The following THADA variants were observed in gnomAD, a reference collection of about 807,000 sequenced individuals.
The protein encoded by THADA is THADA armadillo repeat containing.
THADA carries 213 observed loss-of-function variants against 219.8 expected under a neutral mutation model. That is an observed-to-expected ratio of 0.97 (90% CI 0.87 to 1.09). THADA has a LOEUF of 1.09. Ranked by LOEUF, THADA falls within the 50% of genes least tolerant of loss-of-function variation. The pLI is 0.00. For missense variants in THADA, 2,956 were observed against 2,311.3 expected (o/e 1.28, Z -5.72); for synonymous variants, 1,018 against 828.9 (o/e 1.23, Z -3.92).
In THADA at chr2:43,263,571, G is replaced by A. The variant is rs1010944070; in HGVS notation, c.5296+16194C>T. ...AGAGCCAACATGCTAAGGATGAGAAGCAGAAACACCAAGCCAGGTCCTCAA... is the reference window on the plus strand; with the variant it reads ...AGAGCCAACATGCTAAGGATGAGAAACAGAAACACCAAGCCAGGTCCTCAA... On this transcript the variant is annotated intron_variant, in intron 36 of 37. Coordinates refer to ENST00000405975, the MANE Select transcript of THADA (RefSeq NM_022065.5). 3.3e-5 allele frequency among the ~76,000 whole-genome samples: 5 copies of A among 152,246 alleles called. No homozygotes were observed. The South Asian group carries it at 6.2e-4, about 19-fold the overall frequency.
intron 15 of THADA, 131 bp from the exon 16 acceptor site, chr2:43,560,516 A>G: frequency 1.9e-6 from 1 of 515,764 alleles, no homozygotes; most frequent in Non-Finnish European, 3.2e-6. Flanking sequence ...ATGATAGCTA[A>G]AACAGTAACT....
chr2:43,427,731 C>T (rs370122780), intron 28 of THADA, among the ~76,000 whole-genome samples: 54 of 149,016 alleles, frequency 3.6e-4, no homozygotes, highest in East Asian at 3.1e-3. Context: ...ATGAGGTGGG[C>T]GGATCACAAG....
chr2:43,250,823 T>C (rs1572774642), intron 36 of THADA, among the ~76,000 whole-genome samples: 1 of 152,224 alleles, frequency 6.6e-6, no homozygotes, highest in African/African-American at 2.4e-5. Context: ...TCTGTGTCCC[T>C]GAGGCGTTAA....
rs1335067685 is a variant in THADA, at chr2:43,298,039, C to T, written c.4439-4826G>A. Among the ~76,000 whole-genome samples the T allele has an allele frequency of 5.3e-5, 6 of 113,228 alleles. 1 individual carries two copies. The Middle Eastern group carries it at 0.012, about 230-fold the overall frequency. 74.3% of individuals were successfully genotyped at this position (113,228 alleles called of 152,430 possible). ...CCCCGGCCCGGCCAGCCGCCCCGGC[C>T]GCCCCTACTGGGAAGTGAGGAGCCC... is the stretch of plus-strand genomic sequence containing the variant. On this transcript the variant is annotated intron_variant, in intron 31 of 37. Transcript: ENST00000405975.
rs1381939094 is a variant in THADA at position 43,264,867 on chromosome 2, TCCAGCAAATGG to T, written c.5296+14887_5296+14897del. Among the ~76,000 whole-genome samples, 3 of 152,224 alleles carry T rather than the reference TCCAGCAAATGG, an allele frequency of 2.0e-5. No individual in the cohort carries two copies. The East Asian group carries it at 5.8e-4, about 29-fold the overall frequency. ...CAGTACCGTGAACATGACAACCATT[TCCAGCAAATGG>T]TGGTGACAGAAACAAATGAACCCAC... On this transcript the variant is annotated intron_variant, in intron 36 of 37. Transcript: ENST00000405975.
At chr2:43,295,550 C>A (rs1189369621) in intron 31 of THADA, among the ~76,000 whole-genome samples, 12 of 152,150 alleles carry the variant, frequency 7.9e-5, no homozygotes, top group Non-Finnish European at 8.8e-5. Context: ...GACAACTGTA[C>A]CCAAGATGTT....
At chr2:43,517,666 T>C (rs574353164) in intron 22 of THADA, among the ~76,000 whole-genome samples, 7 of 152,306 alleles carry the variant, frequency 4.6e-5, no homozygotes, top group African/African-American at 1.7e-4. Context: ...CCCGCTTCCA[T>C]GCAACTCTAT....
intron 36 of THADA, among the ~76,000 whole-genome samples, chr2:43,254,019 G>C (rs1444000954): frequency 1.3e-5 from 2 of 151,894 alleles, no homozygotes; most frequent in Non-Finnish European, 2.9e-5. Flanking sequence ...GGTTTGGGTG[G>C]GGCTAACCCT....
chr2:43,574,089 G>A (rs1364635347), intron 11 of THADA, among the ~76,000 whole-genome samples: 1 of 152,064 alleles, frequency 6.6e-6, no homozygotes, highest in East Asian at 1.9e-4. Context: ...TTAAAACCTT[G>A]TAATACAGGA....
intron 30 of THADA, among the ~76,000 whole-genome samples, chr2:43,331,034 C>T (rs1350416601): frequency 1.3e-5 from 2 of 152,192 alleles, no homozygotes; most frequent in African/African-American, 2.4e-5. Flanking sequence ...CTCTTAGTCC[C>T]TTCTGGGGCT....
Position 43,556,342 on chromosome 2 carries a change from A to T in THADA, c.2674+3T>A. ...TTTGATAAGAGCAAACATCAATACA[A>T]ACCCATTAATGTGTTCCTTTCCACC... On this transcript the variant is annotated splice_donor_region_variant and intron_variant, in intron 17 of 37. Transcript: ENST00000405975. The T allele has an allele frequency of 6.2e-7, 1 of 1,613,628 alleles. No homozygotes were observed. The highest frequency in any genetic ancestry group is 8.5e-7 in the Non-Finnish European group (1 of 1,179,746).
chr2:43,552,709 T>C (rs1232634079), intron 17 of THADA, among the ~76,000 whole-genome samples: 1 of 152,110 alleles, frequency 6.6e-6, no homozygotes, highest in Non-Finnish European at 1.5e-5. Flanking sequence ...TGCCACAAAA[T>C]TCATACATTT....
chr2:43,417,857 C>T (rs1386356558), intron 28 of THADA, among the ~76,000 whole-genome samples: 1 of 152,238 alleles, frequency 6.6e-6, no homozygotes, highest in Non-Finnish European at 1.5e-5. Context: ...TACTGCCCAA[C>T]ATTCCCCCCC....
At chr2:43,378,855 C>T (rs1407911943) in intron 29 of THADA, among the ~76,000 whole-genome samples, 1 of 152,196 alleles carries the variant, frequency 6.6e-6, no homozygotes, top group Non-Finnish European at 1.5e-5. Flanking sequence ...ATCCACCTGC[C>T]CTGGCCTCCC....
chr2:43,295,791 G>A (rs1172911734), intron 31 of THADA, among the ~76,000 whole-genome samples: 1 of 152,096 alleles, frequency 6.6e-6, no homozygotes, highest in Non-Finnish European at 1.5e-5. Flanking sequence ...AAAATATAGA[G>A]TATTTATGTA....
At chr2:43,250,194 G>T (rs536211777) in intron 36 of THADA, among the ~76,000 whole-genome samples, 1 of 152,292 alleles carries the variant, frequency 6.6e-6, no homozygotes, top group South Asian at 2.1e-4. Flanking sequence ...AAATGTGGTA[G>T]ATCCATACAA....
intron 36 of THADA, among the ~76,000 whole-genome samples, chr2:43,273,227 G>A (rs1461484524): frequency 6.6e-6 from 1 of 151,474 alleles, no homozygotes; most frequent in Non-Finnish European, 1.5e-5. Context: ...ACTCTCGCCT[G>A]GGCGCCAAGA....
intron 36 of THADA, among the ~76,000 whole-genome samples, chr2:43,238,844 C>CA (rs1253457129): frequency 1.3e-5 from 2 of 152,148 alleles, no homozygotes; most frequent in Non-Finnish European, 2.9e-5. Flanking sequence ...CAGGCAACAG[C>CA]AGGGACATCA....
At chr2:43,370,083 C>T (rs1670621196) in intron 29 of THADA, 1 of 152,162 alleles carries the variant, frequency 6.6e-6, no homozygotes, top group Admixed American at 6.6e-5. Context: ...GTAAAGCCAC[C>T]ACTCAGTTCA....
Sources: allele counts gnomAD v4.1 joint callset (sites outside exome capture counted in the v4.1 genomes callset), GRCh38; gene constraint gnomAD v4.1.1; transcripts MANE v1.5; gene names NCBI Gene and HGNC (gene_info 2026-07-23, HGNC 2026-07-21).